Variants in TAFA4 observed in about 807,000 individuals in gnomAD.
The protein encoded by TAFA4 is TAFA chemokine like family member 4, also known as chemokine-like protein TAFA-4.
TAFA4 carries 20 observed loss-of-function variants against 21.1 expected under a neutral mutation model. That is an observed-to-expected ratio of 0.95 (90% confidence interval 0.67 to 1.38). The LOEUF (loss-of-function observed/expected upper bound fraction) is 1.38. TAFA4 is among the 40% of genes most tolerant of loss of function. TAFA4 has a pLI of 0.00. For synonymous variants in TAFA4, 71 were observed against 67.4 expected (o/e 1.05, Z -0.26); for missense variants, 211 against 180.9 (o/e 1.17, Z -0.95).
At chr3:68,929,377 C>T (rs115865026) in intron 1 of TAFA4, among the ~76,000 whole-genome samples, 138 of 152,310 alleles carry the variant, frequency 9.1e-4, no homozygotes, top group African/African-American at 3.2e-3. Context: ...AATCTTGTTT[C>T]CTATGGCCTC....
chr3:68,897,012 C>T (rs1016422399), intron 1 of TAFA4, among the ~76,000 whole-genome samples: 1 of 152,190 alleles, frequency 6.6e-6, no homozygotes, highest in Non-Finnish European at 1.5e-5. Context: ...AAGTGATTCT[C>T]CTGCCTCAGC....
chr3:68,925,982 A>T (rs2090104688), intron 1 of TAFA4, among the ~76,000 whole-genome samples: 1 of 152,236 alleles, frequency 6.6e-6, no homozygotes, highest in Non-Finnish European at 1.5e-5. Flanking sequence ...CTGTAATCCC[A>T]GTACTTCGGG....
At chr3:68,821,952 G>A (rs993277273) in intron 3 of TAFA4, among the ~76,000 whole-genome samples, 2 of 152,152 alleles carry the variant, frequency 1.3e-5, no homozygotes, top group African/African-American at 4.8e-5. Context: ...ATTCTGCAAT[G>A]GAAACCGCCT....
At chr3:68,781,884 A>G (rs138971223) in intron 3 of TAFA4, among the ~76,000 whole-genome samples, 298 of 152,314 alleles carry the variant, frequency 2.0e-3, no homozygotes, top group African/African-American at 6.7e-3. Flanking sequence ...AGTAAGAACT[A>G]AAACCACAAA....
intron 3 of TAFA4, among the ~76,000 whole-genome samples, chr3:68,866,566 A>G (rs1018145103): frequency 1.3e-5 from 2 of 151,108 alleles, no homozygotes; most frequent in Non-Finnish European, 3.0e-5. Flanking sequence ...GAACTCCCTA[A>G]GCAGACAAAA....
intron 3 of TAFA4, among the ~76,000 whole-genome samples, chr3:68,866,371 G>A (rs2089418642): frequency 6.6e-6 from 1 of 151,878 alleles, no homozygotes; most frequent in African/African-American, 2.4e-5. Flanking sequence ...ACCATCTAGT[G>A]CCAAAAAGGA....
chr3:68,901,072 A>T (rs1266412147), intron 1 of TAFA4, among the ~76,000 whole-genome samples: 3 of 152,180 alleles, frequency 2.0e-5, no homozygotes, highest in Admixed American at 6.5e-5. Context: ...TTAGCTGTCA[A>T]GGGAGAAATA....
chr3:68,867,013 C>T (rs929603899), intron 3 of TAFA4, among the ~76,000 whole-genome samples: 4 of 151,970 alleles, frequency 2.6e-5, no homozygotes, highest in Middle Eastern at 3.2e-3. Flanking sequence ...CAACCTTATT[C>T]TGAAAGATAA....
chr3:68,912,239 G>A (rs1004332301), intron 1 of TAFA4, among the ~76,000 whole-genome samples: 3 of 152,144 alleles, frequency 2.0e-5, no homozygotes, highest in Admixed American at 2.0e-4. Flanking sequence ...GGGAAGACCT[G>A]AAAACCAAAA....
intron 3 of TAFA4, among the ~76,000 whole-genome samples, chr3:68,820,133 A>G (rs890656360): frequency 4.6e-5 from 7 of 152,234 alleles, no homozygotes; most frequent in African/African-American, 1.7e-4. Context: ...GTCATTTGGA[A>G]TAACACAGAT....
At chr3:68,855,367 T>G (rs139678752) in intron 3 of TAFA4, among the ~76,000 whole-genome samples, 36 of 152,284 alleles carry the variant, frequency 2.4e-4, no homozygotes, top group African/African-American at 8.2e-4. Flanking sequence ...ATTGCTAACA[T>G]AGAACATATG....
intron 1 of TAFA4, among the ~76,000 whole-genome samples, chr3:68,913,903 T>C (rs1179138145): frequency 6.6e-6 from 1 of 152,204 alleles, no homozygotes; most frequent in Admixed American, 6.5e-5. Context: ...TTAAGTGTGT[T>C]AATACATCTA....
rs1000873804 is a variant in TAFA4 at position 68,811,465 on chromosome 3, A to G, written c.131-58447T>C. On this transcript the variant is annotated intron_variant, in intron 3 of 5. Coordinates refer to ENST00000295569, the MANE Select transcript of TAFA4 (RefSeq NM_182522.5). Reference sequence around the variant, plus strand: ...AATGGATAACTAGAATAACCAATGCAGAGAAGTCCTTAAAGGACCTGATGG... The same window carrying G: ...AATGGATAACTAGAATAACCAATGCGGAGAAGTCCTTAAAGGACCTGATGG... 4.6e-5 allele frequency among the ~76,000 whole-genome samples: 7 copies of G among 152,234 alleles called. No individual in the cohort carries two copies. The East Asian group carries it at 1.3e-3, about 29-fold the overall frequency.
At chr3:68,822,017 A>C (rs577066399) in intron 3 of TAFA4, among the ~76,000 whole-genome samples, 1 of 152,318 alleles carries the variant, frequency 6.6e-6, no homozygotes, top group Non-Finnish European at 1.5e-5. Flanking sequence ...TCATGTTAAC[A>C]AAATAAAAAT....
chr3:68,897,695 A>G (rs1445726975), intron 1 of TAFA4, among the ~76,000 whole-genome samples: 1 of 152,148 alleles, frequency 6.6e-6, no homozygotes, highest in East Asian at 1.9e-4. Flanking sequence ...TCACTCTCAA[A>G]TCTGTTTTGA....
Position 68,885,205 on chromosome 3 carries a change from C to A in TAFA4, c.-17G>T. ...GGACCTCATAAGATGTGGTTCTAGTCAAACACACTTATTCCAGGATATATT... is the reference window on the plus strand; with the variant it reads ...GGACCTCATAAGATGTGGTTCTAGTAAAACACACTTATTCCAGGATATATT... On this transcript the variant is annotated 5_prime_UTR_variant, in exon 2 of 6. Transcript: ENST00000295569. The A allele has an allele frequency of 6.2e-7, 1 of 1,611,500 alleles. No individual in the cohort carries two copies. The highest frequency in any genetic ancestry group is 1.1e-5 in the South Asian group (1 of 90,716).
chr3:68,890,461 A>C (rs2089719057), intron 1 of TAFA4, among the ~76,000 whole-genome samples: 1 of 152,148 alleles, frequency 6.6e-6, no homozygotes, highest in Non-Finnish European at 1.5e-5. Flanking sequence ...GGTTAATTCA[A>C]CTCTCTGAGC....
intron 3 of TAFA4, among the ~76,000 whole-genome samples, chr3:68,850,080 A>T (rs947007959): frequency 6.6e-6 from 1 of 152,188 alleles, no homozygotes; most frequent in African/African-American, 2.4e-5. Flanking sequence ...TTTTCCCATG[A>T]AACAACCAGA....
At chr3:68,872,369 G>A (rs1023409619) in intron 3 of TAFA4, among the ~76,000 whole-genome samples, 5 of 152,068 alleles carry the variant, frequency 3.3e-5, no homozygotes, top group African/African-American at 1.2e-4. Context: ...CATACTGGTA[G>A]AAAGTTGATT....
Sources: allele counts gnomAD v4.1 joint callset (sites outside exome capture counted in the v4.1 genomes callset), GRCh38; gene constraint gnomAD v4.1.1; transcripts MANE v1.5; gene names NCBI Gene and HGNC (gene_info 2026-07-23, HGNC 2026-07-21).